Variants in GRM5 observed in about 807,000 individuals in gnomAD.
GRM5 encodes the protein metabotropic glutamate receptor 5.
Under a neutral mutation model 83.1 loss-of-function variants are expected in GRM5, and 19 were observed. The ratio of observed to expected loss-of-function variants is 0.23; its 90% CI spans 0.16 to 0.34. GRM5 has a LOEUF of 0.34. GRM5 is among the 10% of genes least tolerant of loss of function. The pLI is 1.00. For missense variants in GRM5, 1,160 were observed against 1,588.3 expected (o/e 0.73, Z 4.58); for synonymous variants, 675 against 633.6 (o/e 1.07, Z -0.98).
chr11:88,967,221 G>GTGTGTGTGTGTATATATA (rs1939004728), intron 2 of GRM5, among the ~76,000 whole-genome samples: 1 of 44,210 alleles, frequency 2.3e-5, no homozygotes. Context: ...GTGTATATAT[G>GTGTGTGTGTGTATATATA]TGTGTGTATG....
chr11:88,917,265 CTT>C (rs1352253970), intron 2 of GRM5, among the ~76,000 whole-genome samples: 1 of 152,214 alleles, frequency 6.6e-6, no homozygotes, highest in Non-Finnish European at 1.5e-5. Context: ...GTCAGCAAGA[CTT>C]AAAGTGTTAC....
chr11:88,706,302 A>C (rs2135379049), intron 3 of GRM5, among the ~76,000 whole-genome samples: 1 of 152,176 alleles, frequency 6.6e-6, no homozygotes, highest in Non-Finnish European at 1.5e-5. Context: ...TTCCTCACTC[A>C]AGATTTAGGG....
intron 4 of GRM5, among the ~76,000 whole-genome samples, chr11:88,616,746 TA>T (rs1191380799): frequency 6.6e-6 from 1 of 152,186 alleles, no homozygotes; most frequent in East Asian, 1.9e-4. Flanking sequence ...TGTTTTCCTA[TA>T]ATACTAGTAC....
At chr11:88,768,533 G>A (rs1942666666) in intron 3 of GRM5, among the ~76,000 whole-genome samples, 1 of 151,678 alleles carries the variant, frequency 6.6e-6, no homozygotes, top group Non-Finnish European at 1.5e-5. Context: ...GGTAAGGTTT[G>A]CACAACATTA....
intron 2 of GRM5, among the ~76,000 whole-genome samples, chr11:88,952,405 CT>C (rs1480894900): frequency 6.6e-6 from 1 of 152,194 alleles, no homozygotes; most frequent in Non-Finnish European, 1.5e-5. Context: ...AGCCTGAAGG[CT>C]GCACAAGAGT....
At chr11:88,862,119 T>C (rs1229989663) in intron 2 of GRM5, among the ~76,000 whole-genome samples, 2 of 152,168 alleles carry the variant, frequency 1.3e-5, no homozygotes, top group African/African-American at 2.4e-5. Context: ...TAAGATAAGA[T>C]ATATTATCAA....
chr11:89,034,622 T>C (rs556191271), intron 2 of GRM5, among the ~76,000 whole-genome samples: 5 of 152,010 alleles, frequency 3.3e-5, no homozygotes, highest in African/African-American at 9.6e-5. Flanking sequence ...CAATAAATAT[T>C]TGTAGACTAA....
At chr11:88,787,137 G>A (rs1300106199) in intron 3 of GRM5, among the ~76,000 whole-genome samples, 1 of 47,594 alleles carries the variant, frequency 2.1e-5, no homozygotes, top group African/African-American at 8.4e-5. Context: ...TATGATGTGT[G>A]TGTGTGTGTG....
intron 2 of GRM5, among the ~76,000 whole-genome samples, chr11:88,898,341 C>G (rs1482680572): frequency 6.6e-6 from 1 of 151,888 alleles, no homozygotes; most frequent in African/African-American, 2.4e-5. Flanking sequence ...TGTAAAGGCC[C>G]TATTAAAAAT....
At chr11:88,539,938 GT>G (rs982489363) in intron 8 of GRM5, among the ~76,000 whole-genome samples, 3 of 152,102 alleles carry the variant, frequency 2.0e-5, no homozygotes, top group African/African-American at 7.2e-5. Context: ...CTGACTACTA[GT>G]TTAGTAACTG....
At chr11:88,942,419 G>A (rs1253654005) in intron 2 of GRM5, among the ~76,000 whole-genome samples, 1 of 151,932 alleles carries the variant, frequency 6.6e-6, no homozygotes, top group Non-Finnish European at 1.5e-5. Context: ...AGAACAGCAG[G>A]AAATACAATT....
intron 2 of GRM5, among the ~76,000 whole-genome samples, chr11:89,014,462 T>C (rs191503959): frequency 6.6e-6 from 1 of 152,230 alleles, no homozygotes; most frequent in Non-Finnish European, 1.5e-5. Context: ...CTGTTTTTTT[T>C]GCCTCTTTCA....
chr11:88,911,912 G>C (rs1590958301), intron 2 of GRM5: 3 of 423,536 alleles, frequency 7.1e-6, no homozygotes, highest in African/African-American at 6.2e-5. Flanking sequence ...GGGGAACCTA[G>C]AAATATGAAC....
intron 2 of GRM5, among the ~76,000 whole-genome samples, chr11:89,000,414 A>G (rs368752958): frequency 2.0e-5 from 3 of 152,126 alleles, no homozygotes; most frequent in East Asian, 1.9e-4. Flanking sequence ...AAAACCACAT[A>G]AATATGCCCA....
rs1944932856 is a variant in GRM5 at position 88,880,396 on chromosome 11, T to TCTACC, written c.662-30242_662-30241insGGTAG. ...TTTTGTATATTTCTCTAACTCATATTATTCATTCATTCTACCAATATGTAT... is the reference window on the plus strand; with the variant it reads ...TTTTGTATATTTCTCTAACTCATATTCTACCATTCATTCATTCTACCAATATGTAT... On this transcript the variant is annotated intron_variant, in intron 2 of 9. Coordinates refer to ENST00000305447, the MANE Select transcript of GRM5 (RefSeq NM_001143831.3). Among the ~76,000 whole-genome samples the TCTACC allele has an allele frequency of 2.0e-5, 3 of 152,276 alleles. No individual in the cohort carries two copies. In the South Asian group the frequency reaches 6.2e-4, roughly 32 times the overall value.
At chr11:88,534,296 C>G (rs879648647) in intron 8 of GRM5, among the ~76,000 whole-genome samples, 1 of 152,228 alleles carries the variant, frequency 6.6e-6, no homozygotes, top group Non-Finnish European at 1.5e-5. Flanking sequence ...GCGGTAGACA[C>G]TCAACACCAG....
intron 2 of GRM5, among the ~76,000 whole-genome samples, chr11:88,926,074 T>C (rs1250994098): frequency 2.0e-5 from 3 of 152,198 alleles, no homozygotes; most frequent in East Asian, 3.9e-4. Context: ...CAGCCACTGA[T>C]TGACCAGCTA....
At chr11:88,889,371 T>G (rs1945101086) in intron 2 of GRM5, among the ~76,000 whole-genome samples, 1 of 152,114 alleles carries the variant, frequency 6.6e-6, no homozygotes, top group Non-Finnish European at 1.5e-5. Context: ...AAAATAGAGT[T>G]CTTTGGGTCA....
chr11:88,820,269 T>A (rs1231878374), intron 3 of GRM5, among the ~76,000 whole-genome samples: 1 of 142,476 alleles, frequency 7.0e-6, no homozygotes, highest in African/African-American at 2.7e-5. Flanking sequence ...ACACCTGTAA[T>A]CCAAGCTACT....
Sources: gnomAD v4.1 joint callset for allele counts (sites outside exome capture counted in the v4.1 genomes callset) on GRCh38, gnomAD v4.1.1 for gene constraint, MANE v1.5 for transcripts, NCBI Gene and HGNC (gene_info 2026-07-23, HGNC 2026-07-21) for gene names.